The following R3HDML variants were observed in gnomAD, a reference collection of about 807,000 sequenced individuals.
R3HDML encodes the protein peptidase inhibitor R3HDML.
A neutral mutation model predicts 24.2 loss-of-function variants in R3HDML; 21 were observed. The observed-to-expected ratio is 0.87, with a 90% CI of 0.62 to 1.25. The LOEUF (loss-of-function observed/expected upper bound fraction) is 1.25. Among genes scored for constraint, R3HDML ranks in the 50% most tolerant of loss-of-function variants. R3HDML has a pLI of 0.00. For missense variants in R3HDML, 301 were observed against 340.3 expected, an observed-to-expected ratio of 0.88 and a Z score of 0.91; for synonymous variants, 133 against 131.5, an observed-to-expected ratio of 1.01 and a Z score of -0.08.
intron 3 of R3HDML, 53 bp from the exon 4 acceptor site, chr20:44,345,210 C>T: frequency 7.0e-7 from 1 of 1,428,124 alleles, no homozygotes; most frequent in Non-Finnish European, 9.9e-7. Flanking sequence ...CCCAGGGAGC[C>T]TGGGTCCCAC....
chr20:44,339,579 ATGTGTGTGTGTGTGTG>A (rs140076477), intron 1 of R3HDML, among the ~76,000 whole-genome samples: 4 of 147,914 alleles, frequency 2.7e-5, no homozygotes, highest in African/African-American at 1.0e-4. Context: ...GCCTATATAT[ATGTGTGTGTGTGTGTG>A]TGTGTGTGTG....
rs565559522 is a variant in R3HDML at position 44,348,155 on chromosome 20, G to A, written c.630-2505G>A. On this transcript the variant is annotated intron_variant, in intron 4 of 4. Coordinates refer to ENST00000217043, the MANE Select transcript of R3HDML (RefSeq NM_178491.4). The stretch of plus-strand genomic sequence containing the variant: ...TAAGATTTTTAGCCTCTGGGGCCAA[G>A]ACTACCAGGGTTCAAATGTGTGATC... Among the ~76,000 whole-genome samples the A allele has an allele frequency of 2.2e-4, 33 of 152,130 alleles. No homozygotes were observed. In the South Asian group the frequency reaches 6.9e-3, roughly 32 times the overall value.
rs2062761976 is a variant in R3HDML at position 44,337,864 on chromosome 20, G to A, written c.261+446G>A. Among the ~76,000 whole-genome samples, 1 of 152,204 alleles carries A rather than the reference G, an allele frequency of 6.6e-6. No homozygotes were observed. Among genetic ancestry groups the A allele is most frequent in the Non-Finnish European group, 1.5e-5 (1 of 68,036 alleles). On this transcript the variant is annotated intron_variant, in intron 1 of 4. Transcript: ENST00000217043. The surrounding 1 kb of genome is among the most constrained non-coding windows in gnomAD (Gnocchi z 4.7). ...CCCACACTGGGGACCTGCATGGGGT[G>A]CGTGGCTGGTGCTTTCTATGCTATT...
Position 44,351,032 on chromosome 20 carries a change from C to G in R3HDML, c.*240C>G. ...TTTCTTGGGCCTCTGGGAAAGAGCC[C>G]TGCATCTTTCATTAATTCGGTTCTC... On this transcript the variant is annotated 3_prime_UTR_variant, in exon 5 of 5. Transcript: ENST00000217043. 1 of 444,828 alleles carries G rather than the reference C, an allele frequency of 2.2e-6. No homozygotes were observed. The highest frequency in any genetic ancestry group is 2.8e-5 in the South Asian group (1 of 35,576). 27.6% of individuals were successfully genotyped at this position (444,828 alleles called of 1,614,324 possible). A position where few individuals can be genotyped will look rare whatever the true frequency, so the allele number is the denominator to read the frequency against.
At chr20:44,349,408 A>G (rs1410529796) in intron 4 of R3HDML, among the ~76,000 whole-genome samples, 2 of 152,014 alleles carry the variant, frequency 1.3e-5, no homozygotes, top group East Asian at 3.9e-4. Flanking sequence ...TATCACCACC[A>G]CCCACTCTCC....
In R3HDML at chr20:44,345,254, CT is replaced by C; in HGVS notation, c.514-7del. On this transcript the variant is annotated splice_region_variant and splice_polypyrimidine_tract_variant and intron_variant, in intron 3 of 4. Transcript: ENST00000217043. The stretch of plus-strand genomic sequence containing the variant: ...TCTCATAGCCCCCTCTGTCTCTGTC[CT>C]TCACCAGATGGTGTGGGCATCCTCC... 2 of 1,611,692 alleles carry C rather than the reference CT, an allele frequency of 1.2e-6. No individual in the cohort carries two copies. Among genetic ancestry groups the C allele is most frequent in the Non-Finnish European group, 1.7e-6 (2 of 1,177,744 alleles).
chr20:44,345,805 A>C (rs916964838), intron 4 of R3HDML, among the ~76,000 whole-genome samples: 3 of 146,624 alleles, frequency 2.0e-5, no homozygotes, highest in African/African-American at 7.4e-5. Context: ...GTCAATTAAT[A>C]ATCCATTTTT....
intron 1 of R3HDML, among the ~76,000 whole-genome samples, chr20:44,338,571 AC>A (rs1487837780): frequency 6.6e-6 from 1 of 152,122 alleles, no homozygotes; most frequent in Non-Finnish European, 1.5e-5. Flanking sequence ...AACAAATGGC[AC>A]ATTTATTGAG....
chr20:44,345,200 C>G, intron 3 of R3HDML, 63 bp from the exon 4 acceptor site: 2 of 1,325,924 alleles, frequency 1.5e-6, no homozygotes, highest in Non-Finnish European at 2.2e-6. Context: ...ACTGTACAAC[C>G]CCAGGGAGCC....
At position 44,343,519 on chromosome 20, in the gene R3HDML, C is replaced by T. The variant is rs761904268; in HGVS notation, c.513+10C>T. ...CTCCCATTATACCCAGGTACTCCTC[C>T]GTCAGGGCTGAGGGCCCCTGGGATA... On this transcript the variant is annotated intron_variant, in intron 3 of 4. Coordinates refer to ENST00000217043, the MANE Select transcript of R3HDML (RefSeq NM_178491.4). 8.2e-6 allele frequency: 13 copies of T among 1,592,842 alleles called. No individual in the cohort carries two copies. Among genetic ancestry groups the T allele is most frequent in the Admixed American group, 5.4e-5 (3 of 55,378 alleles).
chr20:44,341,308 C>A lies in R3HDML; in HGVS notation c.374C>A (p.Ser125Tyr), dbSNP rs3761185. The change falls in exon 2 of 5, where the codon TCT becomes TAT. Residue 125 changes from serine (S) to tyrosine (Y), a missense_variant. Physicochemically the swap from Ser to Tyr is moderately radical, Grantham distance 144. Coordinates refer to ENST00000217043, the MANE Select transcript of R3HDML (RefSeq NM_178491.4). ...RYVGQNLSIH[S>Y]GQYRSVVDLM... ...GTGGGCCAGAACCTCTCCATCCATT[C>A]TGGCCAGTGAGTGACCCTCTGCCCT... 28 of 1,611,630 alleles carry A rather than the reference C, an allele frequency of 1.7e-5. 1 individual carries two copies. The East Asian group carries it at 6.0e-4, about 35-fold the overall frequency.
At chr20:44,348,733 G>A (rs1347074573) in intron 4 of R3HDML, among the ~76,000 whole-genome samples, 1 of 151,896 alleles carries the variant, frequency 6.6e-6, no homozygotes, top group Non-Finnish European at 1.5e-5. Flanking sequence ...AGGCTAGTCT[G>A]GAACTCCTGG....
At chr20:44,345,190 A>G (rs922764146) in intron 3 of R3HDML, 73 bp from the exon 4 acceptor site, 109 of 1,202,528 alleles carry the variant, frequency 9.1e-5, no homozygotes, top group Middle Eastern at 2.1e-4. Flanking sequence ...ACCTAATGCA[A>G]CTGTACAACC....
chr20:44,345,049 A>G, intron 3 of R3HDML: 1 of 573,480 alleles, frequency 1.7e-6, no homozygotes, highest in Non-Finnish European at 3.1e-6. Context: ...CTGTAACAAT[A>G]TAAAAATTAT....
Position 44,337,443 on chromosome 20 carries a change from C to T in R3HDML, c.261+25C>T. 6.3e-7 allele frequency: 1 copy of T among 1,597,430 alleles called. No individual in the cohort carries two copies. The highest frequency in any genetic ancestry group is 8.6e-7 in the Non-Finnish European group (1 of 1,167,362). ...GGTGAGTCCCCGTACCTGCCCCCCA[C>T]CCCCCGCAGTGTCCCTTCCGGCAAA... On this transcript the variant is annotated intron_variant, in intron 1 of 4. Coordinates refer to ENST00000217043, the MANE Select transcript of R3HDML (RefSeq NM_178491.4). The surrounding 1 kb of genome is among the most constrained non-coding windows in gnomAD (Gnocchi z 4.7).
intron 4 of R3HDML, among the ~76,000 whole-genome samples, chr20:44,345,945 G>A (rs377522931): frequency 1.7e-4 from 26 of 152,108 alleles, no homozygotes; most frequent in African/African-American, 3.9e-4. Flanking sequence ...TCAGCCTCCC[G>A]AGTAGCTGGG....
chr20:44,343,955 G>T (rs75648122), intron 3 of R3HDML, among the ~76,000 whole-genome samples: 15,352 of 152,162 alleles, frequency 0.1, 959 homozygotes, highest in Middle Eastern at 0.17. Flanking sequence ...CTAGGCAACA[G>T]AGAAAGACCT....
chr20:44,341,300 C>T lies in R3HDML; in HGVS notation c.366C>T (p.Ser122=). The T allele has an allele frequency of 6.2e-7, 1 of 1,612,888 alleles. No homozygotes were observed. Among genetic ancestry groups the T allele is most frequent in the Non-Finnish European group, 8.5e-7 (1 of 1,178,946 alleles). ...QLMRYVGQNL[S]IHSGQYRSVV... is the part of the protein sequence containing the mutation. ...TGAGATACGTGGGCCAGAACCTCTCCATCCATTCTGGCCAGTGAGTGACCC... is the reference window on the plus strand; with the variant it reads ...TGAGATACGTGGGCCAGAACCTCTCTATCCATTCTGGCCAGTGAGTGACCC... The change falls in exon 2 of 5, where the codon TCC becomes TCT. Residue 122 remains serine (S), a synonymous_variant. Transcript: ENST00000217043.
chr20:44,350,519 A>T (rs1370046136), intron 4 of R3HDML, 141 bp from the exon 5 acceptor site: 1 of 651,398 alleles, frequency 1.5e-6, no homozygotes, highest in Middle Eastern at 4.7e-4. Context: ...TAAAGGAAAG[A>T]AAAAAAAGAA....
Sources: allele counts gnomAD v4.1 joint callset (sites outside exome capture counted in the v4.1 genomes callset), GRCh38; gene constraint gnomAD v4.1.1; non-coding constraint Gnocchi (gnomAD v3.1); transcripts MANE v1.5; gene names NCBI Gene and HGNC (gene_info 2026-07-23, HGNC 2026-07-21).